Variants in SSUH2 observed in about 807,000 individuals in gnomAD.
SSUH2 encodes protein SSUH2 homolog.
Under a neutral mutation model 55.3 loss-of-function variants are expected in SSUH2, and 47 were observed. The ratio of observed to expected loss-of-function variants is 0.85; its 90% CI spans 0.67 to 1.08. The LOEUF is 1.08. Among genes scored for constraint, SSUH2 ranks in the 50% least tolerant of loss-of-function variants. The pLI is 0.00. For missense variants in SSUH2, 535 were observed against 490.7 expected, an observed-to-expected ratio of 1.09 and a Z score of -0.85; for synonymous variants, 212 against 191.5, an observed-to-expected ratio of 1.11 and a Z score of -0.89.
chr3:8,660,558 T>C lies in SSUH2; in HGVS notation c.-395-1545A>G, dbSNP rs186191877. On this transcript the variant is annotated intron_variant, in intron 6 of 18. Transcript: ENST00000317371. Reference sequence around the variant, plus strand: ...CAGACAACCCCCTGCCAGAGCAAGATTGAAGGGAAAAAAAGAGAGAAAGAC... The same window carrying C: ...CAGACAACCCCCTGCCAGAGCAAGACTGAAGGGAAAAAAAGAGAGAAAGAC... 3.9e-5 allele frequency among the ~76,000 whole-genome samples: 6 copies of C among 152,200 alleles called. 1 individual carries two copies. The East Asian group carries it at 5.8e-4, about 15-fold the overall frequency.
chr3:8,634,315 AGG>A (rs1559371600), intron 3 of SSUH2: 1 of 1,148,324 alleles, frequency 8.7e-7, no homozygotes, highest in African/African-American at 1.6e-5. Context: ...GACGACAGAC[AGG>A]GACCCTAACC....
At chr3:8,629,588 AGCC>A in intron 7 of SSUH2, 73 bp downstream of exon 7, 6 of 1,402,366 alleles carry the variant, frequency 4.3e-6, no homozygotes, top group Non-Finnish European at 6.0e-6. Flanking sequence ...TCAGGCCACC[AGCC>A]CAGCCCGCTG....
intron 4 of SSUH2, 34 bp downstream of exon 4, chr3:8,633,632 C>A: frequency 6.7e-7 from 1 of 1,482,450 alleles, no homozygotes; most frequent in South Asian, 1.4e-5. Context: ...CCCAGCCCCC[C>A]GGCCAAGGCC....
At chr3:8,662,672 A>G (rs1703613658) in intron 6 of SSUH2, among the ~76,000 whole-genome samples, 1 of 152,264 alleles carries the variant, frequency 6.6e-6, no homozygotes, top group Admixed American at 6.5e-5. Context: ...AGGAACAAGG[A>G]ACAGAGTTAC....
chr3:8,667,097 A>G (rs1480341275), intron 5 of SSUH2, among the ~76,000 whole-genome samples: 1 of 152,214 alleles, frequency 6.6e-6, no homozygotes, highest in East Asian at 1.9e-4. Context: ...GTTTTTTAAG[A>G]AAGTAAAGGG....
intron 5 of SSUH2, chr3:8,670,919 G>C (rs1253143969): frequency 1.0e-5 from 3 of 294,716 alleles, no homozygotes; most frequent in Non-Finnish European, 2.3e-5. Flanking sequence ...TCCTATCACT[G>C]TGTGACTCTG....
At chr3:8,623,874 C>T (rs903768169) in intron 10 of SSUH2, among the ~76,000 whole-genome samples, 2 of 152,218 alleles carry the variant, frequency 1.3e-5, no homozygotes, top group African/African-American at 4.8e-5. Flanking sequence ...ACCCCAGCTG[C>T]GTGCCTCCTG....
chr3:8,625,920 C>G (rs1697436220), intron 9 of SSUH2, among the ~76,000 whole-genome samples: 1 of 152,198 alleles, frequency 6.6e-6, no homozygotes, highest in South Asian at 2.1e-4. Context: ...GCACGGAAGC[C>G]CTGACTGACT....
chr3:8,672,691 G>A (rs150029635), intron 3 of SSUH2, among the ~76,000 whole-genome samples: 61 of 151,798 alleles, frequency 4.0e-4, no homozygotes, highest in Non-Finnish European at 8.1e-4. Context: ...GCGATATTTC[G>A]AGTAATATCA....
intron 11 of SSUH2, among the ~76,000 whole-genome samples, chr3:8,622,602 G>T (rs1309902580): frequency 6.6e-6 from 1 of 152,146 alleles, no homozygotes; most frequent in Non-Finnish European, 1.5e-5. Flanking sequence ...GCCCTGGTAG[G>T]CATGTAAGTT....
intron 9 of SSUH2, 152 bp downstream of exon 9, chr3:8,626,077 C>T: frequency 2.9e-6 from 2 of 690,312 alleles, no homozygotes; most frequent in Admixed American, 2.1e-5. Context: ...CCCCACACTG[C>T]CTCTTCCAAG....
chr3:8,654,900 T>A (rs2472030), intron 7 of SSUH2, among the ~76,000 whole-genome samples: 107 of 104,362 alleles, frequency 1.0e-3, no homozygotes, highest in Middle Eastern at 7.7e-3. Flanking sequence ...GGGTGGCCTC[T>A]TCCCCCGGGT....
At chr3:8,633,449 C>T (rs1422533798) in intron 4 of SSUH2, among the ~76,000 whole-genome samples, 4 of 152,198 alleles carry the variant, frequency 2.6e-5, no homozygotes, top group East Asian at 1.9e-4. Flanking sequence ...CATGAGCCGC[C>T]GCACCCGGCC....
chr3:8,619,818 A>G lies in SSUH2; in HGVS notation c.*50T>C. The G allele has an allele frequency of 3.1e-6, 5 of 1,596,686 alleles. No individual in the cohort carries two copies. Among genetic ancestry groups the G allele is most frequent in the Non-Finnish European group, 4.3e-6 (5 of 1,170,846 alleles). ...TGAACACACTCAGAGAGTGTCGGCCATCTTCCTTGGCAAACGTGAATGGCA... is the reference window on the plus strand; with the variant it reads ...TGAACACACTCAGAGAGTGTCGGCCGTCTTCCTTGGCAAACGTGAATGGCA... On this transcript the variant is annotated 3_prime_UTR_variant, in exon 12 of 12. Coordinates refer to ENST00000544814, the MANE Select transcript of SSUH2 (RefSeq NM_001256748.3).
chr3:8,622,490 C>G (rs1559273364), intron 11 of SSUH2, among the ~76,000 whole-genome samples: 1 of 152,150 alleles, frequency 6.6e-6, no homozygotes, highest in Non-Finnish European at 1.5e-5. Flanking sequence ...ATCTAAAAAT[C>G]TGGACTTCAG....
chr3:8,626,216 C>A lies in SSUH2; in HGVS notation c.767+13G>T, dbSNP rs184717372. The A allele has an allele frequency of 1.2e-6, 2 of 1,610,626 alleles. No homozygotes were observed. The highest frequency in any genetic ancestry group is 2.2e-5 in the South Asian group (2 of 90,922). ...ACCCCCGCATGCCACAGCATTGAGA[C>A]ACTGCCACATACCACATGATGACAA... On this transcript the variant is annotated intron_variant, in intron 9 of 11. Coordinates refer to ENST00000544814, the MANE Select transcript of SSUH2 (RefSeq NM_001256748.3).
chr3:8,631,352 C>T (rs1698731395), intron 5 of SSUH2, among the ~76,000 whole-genome samples: 2 of 152,180 alleles, frequency 1.3e-5, no homozygotes, highest in South Asian at 4.1e-4. Flanking sequence ...TCACCATCCC[C>T]TTCACCATCC....
chr3:8,632,201 C>T (rs1231053940), intron 4 of SSUH2, 92 bp from the exon 5 acceptor site: 1 of 1,095,812 alleles, frequency 9.1e-7, no homozygotes, highest in African/African-American at 1.6e-5. Context: ...TCCCAGGGCT[C>T]AGTGGGGAAA....
upstream of SSUH2, among the ~76,000 whole-genome samples, chr3:8,648,942 C>T (rs900156909): frequency 3.9e-5 from 6 of 152,092 alleles, no homozygotes; most frequent in Non-Finnish European, 8.8e-5. Context: ...GGCTGCCCTC[C>T]CAGGTCCCCT....
Sources: gnomAD v4.1 joint callset for allele counts (sites outside exome capture counted in the v4.1 genomes callset) on GRCh38, gnomAD v4.1.1 for gene constraint, MANE v1.5 for transcripts, NCBI Gene and HGNC (gene_info 2026-07-23, HGNC 2026-07-21) for gene names.